MOXD1: variants seen among roughly 807,000 people sequenced by gnomAD.
The protein encoded by MOXD1 is DBH-like monooxygenase protein 1.
MOXD1 carries 62 observed loss-of-function variants against 66.6 expected under a neutral mutation model. That is an observed-to-expected ratio of 0.93 (90% CI 0.76 to 1.15). The LOEUF is 1.15. Among genes scored for constraint, MOXD1 ranks in the 50% most tolerant of loss-of-function variants. The pLI is 0.00. For synonymous variants in MOXD1, 303 were observed against 281.9 expected, an observed-to-expected ratio of 1.07 and a Z score of -0.75; for missense variants, 847 against 754.6, an observed-to-expected ratio of 1.12 and a Z score of -1.44.
intron 4 of MOXD1, among the ~76,000 whole-genome samples, chr6:132,339,655 C>A (rs934270599): frequency 1.3e-5 from 2 of 152,190 alleles, no homozygotes; most frequent in Non-Finnish European, 2.9e-5. Context: ...TATGTAATCC[C>A]ATCCTTGATA....
At chr6:132,320,787 G>A in intron 8 of MOXD1, 99 bp from the exon 9 acceptor site, 1 of 948,792 alleles carries the variant, frequency 1.1e-6, no homozygotes, top group Non-Finnish European at 1.6e-6. Flanking sequence ...TGTATGAATG[G>A]ATGCGCCAAG....
At chr6:132,304,110 A>C (rs1454408751) in intron 10 of MOXD1, among the ~76,000 whole-genome samples, 1 of 151,684 alleles carries the variant, frequency 6.6e-6, no homozygotes, top group Non-Finnish European at 1.5e-5. Flanking sequence ...TCTCCACTGC[A>C]GTGTATTAAG....
rs1774572452 is a variant in MOXD1 at position 132,302,869 on chromosome 6, T to C, written c.1509-4914A>G. ...AAACATATAGAGCAATGAAACAGAATAGAAAATCCAGAAAGAACCAATATA... is the reference window on the plus strand; with the variant it reads ...AAACATATAGAGCAATGAAACAGAACAGAAAATCCAGAAAGAACCAATATA... On this transcript the variant is annotated intron_variant, in intron 10 of 11. Coordinates refer to ENST00000367963, the MANE Select transcript of MOXD1 (RefSeq NM_015529.4). Among the ~76,000 whole-genome samples the C allele has an allele frequency of 2.0e-5, 3 of 152,112 alleles. No individual in the cohort carries two copies. In the South Asian group the frequency reaches 6.2e-4, roughly 32 times the overall value.
At chr6:132,390,082 A>T (rs1776727916) in intron 1 of MOXD1, among the ~76,000 whole-genome samples, 1 of 151,494 alleles carries the variant, frequency 6.6e-6, no homozygotes, top group Non-Finnish European at 1.5e-5. Flanking sequence ...ACTTCTATAA[A>T]ATCACCAAGT....
At chr6:132,308,492 A>G (rs1774747933) in intron 10 of MOXD1, among the ~76,000 whole-genome samples, 1 of 152,210 alleles carries the variant, frequency 6.6e-6, no homozygotes, top group South Asian at 2.1e-4. Flanking sequence ...ATAATTGAAA[A>G]AGAGGGACTC....
At chr6:132,361,512 T>G (rs1300796076) in intron 4 of MOXD1, among the ~76,000 whole-genome samples, 1 of 152,178 alleles carries the variant, frequency 6.6e-6, no homozygotes, top group Non-Finnish European at 1.5e-5. Context: ...CTACTTAATA[T>G]GAAGGGCATT....
chr6:132,315,631 T>C lies in MOXD1; in HGVS notation c.1508+4A>G, dbSNP rs1178212276. 6.2e-7 allele frequency: 1 copy of C among 1,607,060 alleles called. No individual in the cohort carries two copies. ...CCCCATCATAAAATACATTTACTAC[T>C]TACGTGACTGGTCTGTAGATCTCCT... On this transcript the variant is annotated splice_donor_region_variant and intron_variant, in intron 10 of 11. Transcript: ENST00000367963.
chr6:132,330,840 G>A (rs1027713171), intron 4 of MOXD1, among the ~76,000 whole-genome samples: 24 of 152,294 alleles, frequency 1.6e-4, no homozygotes, highest in African/African-American at 5.8e-4. Context: ...GAAATGGTAT[G>A]TAGTGGGTCG....
At position 132,387,908 on chromosome 6, in the gene MOXD1, C is replaced by T. The variant is rs79662444; in HGVS notation, c.265-13131G>A. On this transcript the variant is annotated intron_variant, in intron 1 of 11. Coordinates refer to ENST00000367963, the MANE Select transcript of MOXD1 (RefSeq NM_015529.4). ...CTCAGATGCACTTATATTTAATACCCTAATCTACAGGTCCAGCAAATCAAA... is the reference window on the plus strand; with the variant it reads ...CTCAGATGCACTTATATTTAATACCTTAATCTACAGGTCCAGCAAATCAAA... Among the ~76,000 whole-genome samples, 485 of 151,244 alleles carry T rather than the reference C, an allele frequency of 3.2e-3. 25 individuals are homozygous for T. The East Asian group carries it at 0.083, about 26-fold the overall frequency.
rs1384608954 is a variant in MOXD1 at position 132,376,804 on chromosome 6, C to T, written c.265-2027G>A. Among the ~76,000 whole-genome samples the T allele has an allele frequency of 5.1e-4, 31 of 60,796 alleles. 5 individuals are homozygous for T. Among genetic ancestry groups the T allele is most frequent in the African/African-American group, 1.6e-3 (2 of 1,284 alleles). 39.9% of individuals were successfully genotyped at this position (60,796 alleles called of 152,430 possible). A position where few individuals can be genotyped will look rare whatever the true frequency, so the allele number is the denominator to read the frequency against. ...CTGGGATTACAGGCGTGAGCCACCG[C>T]GCCCGGCCAACTACAGCTTCTTATA... On this transcript the variant is annotated intron_variant, in intron 1 of 11. Coordinates refer to ENST00000367963, the MANE Select transcript of MOXD1 (RefSeq NM_015529.4).
In MOXD1 at chr6:132,317,682, T is replaced by C. The variant is rs190942526; in HGVS notation, c.1366-1905A>G. ...ATACCCACTATAATAATAACTCATT[T>C]ATTATGTCTTTAGTAAAATAATATT... On this transcript the variant is annotated intron_variant, in intron 9 of 11. Transcript: ENST00000367963. Among the ~76,000 whole-genome samples, 941 of 152,274 alleles carry C rather than the reference T, an allele frequency of 6.2e-3. 9 individuals carry two copies. Among genetic ancestry groups the C allele is most frequent in the Non-Finnish European group, 6.5e-3 (442 of 67,998 alleles).
At chr6:132,372,785 T>A (rs1246459843) in intron 3 of MOXD1, 45 bp downstream of exon 3, 9 of 1,610,982 alleles carry the variant, frequency 5.6e-6, no homozygotes, top group Admixed American at 1.7e-5. Context: ...CGTATACACT[T>A]TCAATAAGCC....
intron 10 of MOXD1, among the ~76,000 whole-genome samples, chr6:132,300,966 A>C (rs948050341): frequency 2.0e-5 from 3 of 152,076 alleles, no homozygotes; most frequent in African/African-American, 7.2e-5. Flanking sequence ...CTTCCAAATT[A>C]TTTCCTAGAG....
chr6:132,381,114 A>G (rs76982427), intron 1 of MOXD1, among the ~76,000 whole-genome samples: 3,063 of 152,338 alleles, frequency 0.02, 60 homozygotes, highest in South Asian at 0.058. Flanking sequence ...GTACCTAACA[A>G]AGTGACTGGC....
At chr6:132,300,328 G>C (rs1196225821) in intron 10 of MOXD1, among the ~76,000 whole-genome samples, 1 of 152,116 alleles carries the variant, frequency 6.6e-6, no homozygotes, top group Non-Finnish European at 1.5e-5. Context: ...CTTGAAAGAA[G>C]TTATTATATT....
chr6:132,300,956 C>T (rs1309601492), intron 10 of MOXD1, among the ~76,000 whole-genome samples: 4 of 152,276 alleles, frequency 2.6e-5, no homozygotes, highest in African/African-American at 9.6e-5. Context: ...ATCCTACACA[C>T]TTCCAAATTA....
At chr6:132,382,489 A>AT (rs1465876356) in intron 1 of MOXD1, among the ~76,000 whole-genome samples, 1 of 151,928 alleles carries the variant, frequency 6.6e-6, no homozygotes, top group South Asian at 2.1e-4. Flanking sequence ...CTGAGGTATG[A>AT]TTTTTTTGGT....
At chr6:132,392,320 T>C (rs774009058) in intron 1 of MOXD1, 2 of 1,579,536 alleles carry the variant, frequency 1.3e-6, no homozygotes, top group South Asian at 1.2e-5. Flanking sequence ...TGATAACATA[T>C]GTTTCAGCCT....
At position 132,328,492 on chromosome 6, in the gene MOXD1, C is replaced by T. The variant is rs140465102; in HGVS notation, c.766G>A (p.Glu256Lys). ...TCGGGCATGTTGGGGTGATAGCACT[C>T]GTGGCCGGACTCCAGAACGCTGTCG... ...FNDSVLESGH[E>K]CYHPNMPDAF... The change falls in exon 5 of 12, where the codon GAG (glutamate) becomes AAG (lysine). Residue 256 changes from glutamate to lysine, a missense_variant. Physicochemically the swap from Glu to Lys is moderately conservative, Grantham distance 56. Coordinates refer to ENST00000367963, the MANE Select transcript of MOXD1 (RefSeq NM_015529.4). The T allele has an allele frequency of 6.8e-5, 109 of 1,614,012 alleles. No individual in the cohort carries two copies. The African/African-American group carries it at 1.1e-3, about 16-fold the overall frequency.
Sources: allele counts gnomAD v4.1 joint callset (sites outside exome capture counted in the v4.1 genomes callset), GRCh38; gene constraint gnomAD v4.1.1; transcripts MANE v1.5; gene names NCBI Gene and HGNC (gene_info 2026-07-23, HGNC 2026-07-21).